THEMIS: variants seen among roughly 807,000 people sequenced by gnomAD.
THEMIS encodes the protein thymocyte selection associated.
Under a neutral mutation model 52.6 loss-of-function variants are expected in THEMIS, and 37 were observed. The observed-to-expected ratio is 0.70, with a 90% CI of 0.54 to 0.93. THEMIS has a LOEUF of 0.93. Ranked by LOEUF, THEMIS falls within the 40% of genes least tolerant of loss-of-function variation. The pLI is 0.00. For synonymous variants in THEMIS, 292 were observed against 272.7 expected, an observed-to-expected ratio of 1.07 and a Z score of -0.70; for missense variants, 808 against 763.1, an observed-to-expected ratio of 1.06 and a Z score of -0.69.
At chr6:127,746,328 A>G (rs1294290515) in intron 4 of THEMIS, among the ~76,000 whole-genome samples, 2 of 151,792 alleles carry the variant, frequency 1.3e-5, no homozygotes, top group African/African-American at 4.8e-5. Context: ...CAGGGATTCT[A>G]TACTACTAAG....
the THEMIS span, among the ~76,000 whole-genome samples, chr6:127,697,361 C>T: frequency 1.3e-5 from 2 of 152,106 alleles, no homozygotes; most frequent in Non-Finnish European, 2.9e-5. Context: ...CGGCAACTGT[C>T]ATCTCTGAAG....
chr6:127,748,908 A>G (rs1775540745), intron 4 of THEMIS, among the ~76,000 whole-genome samples: 1 of 152,072 alleles, frequency 6.6e-6, no homozygotes, highest in African/African-American at 2.4e-5. Flanking sequence ...ATTAAAAGCC[A>G]GAAGATGTGA....
downstream of THEMIS, among the ~76,000 whole-genome samples, chr6:127,703,368 T>A (rs538379280): frequency 2.0e-5 from 3 of 152,230 alleles, no homozygotes; most frequent in South Asian, 6.2e-4. Context: ...TAATTTCACA[T>A]TGTCAATCAA....
At chr6:127,856,093 C>T (rs1779609452) in intron 1 of THEMIS, among the ~76,000 whole-genome samples, 2 of 151,928 alleles carry the variant, frequency 1.3e-5, no homozygotes, top group African/African-American at 4.8e-5. Flanking sequence ...ATCAGTTTTT[C>T]CTGACTTCCA....
downstream of THEMIS, among the ~76,000 whole-genome samples, chr6:127,704,263 T>G (rs564813200): frequency 1.3e-5 from 2 of 152,134 alleles, no homozygotes; most frequent in African/African-American, 4.8e-5. Context: ...CTCTGAATCA[T>G]GTATGAGGTA....
chr6:127,911,656 C>A (rs1781414338), intron 1 of THEMIS, among the ~76,000 whole-genome samples: 2 of 151,416 alleles, frequency 1.3e-5, no homozygotes, highest in African/African-American at 2.5e-5. Context: ...TTCATTCTAG[C>A]CTTCCTCCTT....
intron 4 of THEMIS, among the ~76,000 whole-genome samples, chr6:127,783,860 A>T (rs1776832515): frequency 6.6e-6 from 1 of 152,208 alleles, no homozygotes; most frequent in Non-Finnish European, 1.5e-5. Flanking sequence ...CTGAAATACC[A>T]TTTGACCCAG....
chr6:127,793,551 G>T (rs1346362235), intron 4 of THEMIS, among the ~76,000 whole-genome samples: 37 of 152,152 alleles, frequency 2.4e-4, no homozygotes, highest in Non-Finnish European at 1.0e-4. Flanking sequence ...ACTTCTATTT[G>T]GGTGCCAAGG....
intron 4 of THEMIS, among the ~76,000 whole-genome samples, chr6:127,723,670 G>T (rs1195164944): frequency 6.6e-6 from 1 of 151,950 alleles, no homozygotes; most frequent in African/African-American, 2.4e-5. Context: ...CTTCCTGTCT[G>T]AAGGCTTGGC....
chr6:127,719,142 C>T (rs926337042), intron 5 of THEMIS, among the ~76,000 whole-genome samples: 6 of 151,762 alleles, frequency 4.0e-5, no homozygotes, highest in African/African-American at 1.5e-4. Flanking sequence ...CTAGCTCATC[C>T]CAAATTTCTG....
At chr6:127,877,062 G>A (rs1462523413) in intron 1 of THEMIS, among the ~76,000 whole-genome samples, 1 of 152,084 alleles carries the variant, frequency 6.6e-6, no homozygotes, top group Non-Finnish European at 1.5e-5. Context: ...AAAAAATAAT[G>A]TATATACCTT....
chr6:127,739,297 A>G (rs368314380), intron 4 of THEMIS, among the ~76,000 whole-genome samples: 2 of 152,178 alleles, frequency 1.3e-5, no homozygotes, highest in African/African-American at 4.8e-5. Flanking sequence ...CCAAGGAACA[A>G]AGAGTTGAGA....
chr6:127,798,903 A>G (rs2114551281), intron 4 of THEMIS, among the ~76,000 whole-genome samples: 1 of 151,156 alleles, frequency 6.6e-6, no homozygotes, highest in African/African-American at 2.4e-5. Flanking sequence ...GAGGCAGGAG[A>G]ATGGCGTGAA....
chr6:127,885,297 G>A (rs1780611033), intron 1 of THEMIS, among the ~76,000 whole-genome samples: 1 of 151,910 alleles, frequency 6.6e-6, no homozygotes, highest in Non-Finnish European at 1.5e-5. Flanking sequence ...CTCTCATTCT[G>A]AAAGTTTCTT....
chr6:127,749,479 T>G (rs1775561382), intron 4 of THEMIS, among the ~76,000 whole-genome samples: 3 of 152,144 alleles, frequency 2.0e-5, no homozygotes, highest in East Asian at 3.9e-4. Context: ...CATATTTATT[T>G]TTAAAAATGT....
At position 127,734,868 on chromosome 6, in the gene THEMIS, C is replaced by CAAA. The variant is rs1197660495; in HGVS notation, c.1759-15048_1759-15046dup. On this transcript the variant is annotated intron_variant, in intron 4 of 5. Coordinates refer to ENST00000368248, the MANE Select transcript of THEMIS (RefSeq NM_001010923.3). ...TGGGCGATAGAGCAAGGCTCTGTCTCAAAAAAAAAAAAAAAAAAAAAAAAA... is the reference window on the plus strand; with the variant it reads ...TGGGCGATAGAGCAAGGCTCTGTCTCAAAAAAAAAAAAAAAAAAAAAAAAAAAA... Among the ~76,000 whole-genome samples, 60 of 32,946 alleles carry CAAA rather than the reference C, an allele frequency of 1.8e-3. 5 individuals are homozygous for CAAA. Among genetic ancestry groups the CAAA allele is most frequent in the Admixed American group, 3.0e-3 (5 of 1,656 alleles). 21.6% of individuals were successfully genotyped at this position (32,946 alleles called of 152,430 possible).
chr6:127,759,547 T>C (rs767694186), intron 4 of THEMIS, among the ~76,000 whole-genome samples: 1 of 152,132 alleles, frequency 6.6e-6, no homozygotes, highest in Non-Finnish European at 1.5e-5. Flanking sequence ...GAAAATTTGT[T>C]CTCCCAGCTG....
chr6:127,757,719 G>A (rs1321692064), intron 4 of THEMIS, among the ~76,000 whole-genome samples: 2 of 151,994 alleles, frequency 1.3e-5, no homozygotes, highest in Non-Finnish European at 2.9e-5. Context: ...TCCTGACCTC[G>A]TGATTGGCCC....
At position 127,752,712 on chromosome 6, in the gene THEMIS, A is replaced by G. The variant is rs926006340; in HGVS notation, c.1759-32889T>C. ...ACCTCTCAACAAAGAAATGTCTAGG[A>G]CCTGAAGGCTTTACTGGTGAATTTT... On this transcript the variant is annotated intron_variant, in intron 4 of 5. Transcript: ENST00000368248. Among the ~76,000 whole-genome samples, 8 of 151,918 alleles carry G rather than the reference A, an allele frequency of 5.3e-5. No homozygotes were observed. The East Asian group carries it at 1.3e-3, about 26-fold the overall frequency.
Sources: gnomAD v4.1 joint callset for allele counts (sites outside exome capture counted in the v4.1 genomes callset) on GRCh38, gnomAD v4.1.1 for gene constraint, MANE v1.5 for transcripts, NCBI Gene and HGNC (gene_info 2026-07-23, HGNC 2026-07-21) for gene names.